The following NAV3 variants were observed in gnomAD, a reference collection of about 807,000 sequenced individuals.
The protein encoded by NAV3 is pore membrane and/or filament interacting like protein 1.
In NAV3, 87 loss-of-function variants were observed where a neutral mutation model predicts 244.7. The ratio of observed to expected loss-of-function variants is 0.36; its 90% confidence interval spans 0.30 to 0.42. NAV3 has a LOEUF of 0.42. Among genes scored for constraint, NAV3 ranks in the 20% least tolerant of loss-of-function variants. The probability of loss-of-function intolerance (pLI) is 1.00; values close to 1 mark genes in which losing one functional copy is unlikely to be tolerated. For missense variants in NAV3, 2,663 were observed against 2,893.3 expected, an observed-to-expected ratio of 0.92 and a Z score of 1.83; for synonymous variants, 1,126 against 1,042.2, an observed-to-expected ratio of 1.08 and a Z score of -1.55.
At position 78,051,120 on chromosome 12, in the gene NAV3, G is replaced by T; in HGVS notation, c.2489G>T (p.Ser830Ile). The change falls in exon 11 of 40, where the codon AGT becomes ATT. Residue 830 changes from serine to isoleucine, a missense_variant. Physicochemically the swap from Ser to Ile is moderately radical, Grantham distance 142. Transcript: ENST00000397909. ...AGTGATGGTGATATCCTTGGGAAAA[G>T]TCTCAGGACTGATGACATCAACAGT... ...YMSDGDILGKSLRTDDINSGY... is the reference protein window; with the variant it reads ...YMSDGDILGKILRTDDINSGY... 6.2e-7 allele frequency: 1 copy of T among 1,611,586 alleles called. No individual in the cohort carries two copies. The highest frequency in any genetic ancestry group is 8.5e-7 in the Non-Finnish European group (1 of 1,177,950).
At position 77,941,117 on chromosome 12, in the gene NAV3, G is replaced by C. The variant is rs1311218885; in HGVS notation, c.398G>C (p.Arg133Thr). ...EKVEDINGCP[R>T]SQSQMIENVD... ...GTTGAAGATATCAATGGATGTCCTA[G>C]AAGTCAGTCTCAGATGGTAAGAATC... The change falls in exon 3 of 40, where the codon AGA becomes ACA. Residue 133 changes from arginine to threonine, a missense_variant. This residue lies in a region of NAV3 where 1,521 missense variants were observed against 1,497.0 expected (regional missense o/e 1.02). Coordinates refer to ENST00000397909, the MANE Select transcript of NAV3 (RefSeq NM_001024383.2). 6.3e-7 allele frequency: 1 copy of C among 1,577,500 alleles called. No individual in the cohort carries two copies. The highest frequency in any genetic ancestry group is 2.3e-5 in the East Asian group (1 of 44,320).
At chr12:77,844,984 C>T (rs937918106) in intron 1 of NAV3, among the ~76,000 whole-genome samples, 2 of 152,102 alleles carry the variant, frequency 1.3e-5, no homozygotes, top group South Asian at 2.1e-4. Context: ...ATCATAATAA[C>T]GTTAAGACAT....
At position 77,831,434 on chromosome 12, in the gene NAV3, G is replaced by T. The variant is rs2136073189; in HGVS notation, c.-28G>T. 1 of 1,559,718 alleles carries T rather than the reference G, an allele frequency of 6.4e-7. No individual in the cohort carries two copies. Among genetic ancestry groups the T allele is most frequent in the Non-Finnish European group, 8.6e-7 (1 of 1,156,504 alleles). On this transcript the variant is annotated 5_prime_UTR_variant, in exon 1 of 40. Coordinates refer to ENST00000397909, the MANE Select transcript of NAV3 (RefSeq NM_001024383.2). ...ACTGAGGTTAGAAGCATTTTCTTTG[G>T]CAGCAAGAAGATAATTTTATAGAAG...
intron 22 of NAV3, among the ~76,000 whole-genome samples, chr12:78,157,005 AG>A (rs1489580497): frequency 6.6e-6 from 1 of 152,198 alleles, no homozygotes; most frequent in Non-Finnish European, 1.5e-5. Context: ...AGTGCTTTAA[AG>A]TGTAAGCTTG....
At chr12:77,738,894 C>G (rs1358181915) in intron 2 of NAV3, among the ~76,000 whole-genome samples, 1 of 151,956 alleles carries the variant, frequency 6.6e-6, no homozygotes, top group Non-Finnish European at 1.5e-5. Context: ...CGCCTGTAGT[C>G]CCAGCTACTC....
At chr12:78,185,772 A>G (rs1363858438) in intron 31 of NAV3, 74 bp downstream of exon 31, 10 of 1,254,216 alleles carry the variant, frequency 8.0e-6, no homozygotes, top group Admixed American at 1.9e-5. Context: ...TTATGTGTGA[A>G]TATTTGATCT....
At chr12:78,202,691 A>G (rs1249280535) in intron 38 of NAV3, among the ~76,000 whole-genome samples, 1 of 152,078 alleles carries the variant, frequency 6.6e-6, no homozygotes, top group Non-Finnish European at 1.5e-5. Flanking sequence ...TGAAAGATGA[A>G]TCAACCGTGA....
chr12:77,683,882 T>C (rs954369117), intron 2 of NAV3, among the ~76,000 whole-genome samples: 3 of 152,206 alleles, frequency 2.0e-5, no homozygotes, highest in African/African-American at 7.2e-5. Context: ...TAGATTATTA[T>C]GAATAAAGTT....
chr12:77,785,995 T>G (rs1870887526), intron 2 of NAV3, among the ~76,000 whole-genome samples: 1 of 152,180 alleles, frequency 6.6e-6, no homozygotes, highest in Admixed American at 6.5e-5. Flanking sequence ...GTGATCTTAT[T>G]TGATGAGTGT....
At chr12:77,928,624 T>C (rs1888472692) in intron 1 of NAV3, among the ~76,000 whole-genome samples, 1 of 152,206 alleles carries the variant, frequency 6.6e-6, no homozygotes, top group Non-Finnish European at 1.5e-5. Flanking sequence ...GTTTGTGTTA[T>C]GGCCTCAGCT....
intron 12 of NAV3, among the ~76,000 whole-genome samples, chr12:78,068,252 A>AT (rs1254401733): frequency 6.6e-6 from 1 of 151,974 alleles, no homozygotes; most frequent in African/African-American, 2.4e-5. Context: ...ATAAATAATA[A>AT]TTGCAGAATT....
chr12:77,636,101 C>G (rs917109770), intron 2 of NAV3, among the ~76,000 whole-genome samples: 1 of 152,132 alleles, frequency 6.6e-6, no homozygotes, highest in Non-Finnish European at 1.5e-5. Context: ...CATCACTGGT[C>G]ATTAGAGAAA....
At chr12:77,619,738 A>G (rs1389733581) in intron 2 of NAV3, among the ~76,000 whole-genome samples, 2 of 152,144 alleles carry the variant, frequency 1.3e-5, no homozygotes, top group Non-Finnish European at 2.9e-5. Flanking sequence ...CTTTCTGTAA[A>G]TCACCATTTA....
intron 7 of NAV3, among the ~76,000 whole-genome samples, chr12:78,002,950 T>A (rs546301716): frequency 6.6e-6 from 1 of 151,714 alleles, no homozygotes; most frequent in Non-Finnish European, 1.5e-5. Context: ...GTCCACAAAG[T>A]ATATATGCCT....
At chr12:77,956,070 A>G (rs17044601) in intron 3 of NAV3, among the ~76,000 whole-genome samples, 1,713 of 152,274 alleles carry the variant, frequency 0.011, 24 homozygotes, top group South Asian at 0.041. Flanking sequence ...CAAGCATCCT[A>G]CAAATTTTAA....
intron 2 of NAV3, among the ~76,000 whole-genome samples, chr12:77,673,609 T>C (rs1310126361): frequency 6.6e-6 from 1 of 152,100 alleles, no homozygotes; most frequent in Admixed American, 6.5e-5. Context: ...GACATCAAGT[T>C]CATTTGAAAG....
rs180786556 is a variant in NAV3, at chr12:78,033,141, G to A, written c.2023+11279G>A. On this transcript the variant is annotated intron_variant, in intron 9 of 39. Coordinates refer to ENST00000397909, the MANE Select transcript of NAV3 (RefSeq NM_001024383.2). Reference sequence around the variant, plus strand: ...ATTTAGGTTAACCAGAAGGATAAGCGAATGGTTACATGTGCTTTTACTGAC... The same window carrying A: ...ATTTAGGTTAACCAGAAGGATAAGCAAATGGTTACATGTGCTTTTACTGAC... Among the ~76,000 whole-genome samples the A allele has an allele frequency of 3.6e-4, 54 of 152,112 alleles. 1 individual carries two copies. Among genetic ancestry groups the A allele is most frequent in the Non-Finnish European group, 3.1e-4 (21 of 67,998 alleles).
chr12:78,066,954 G>C (rs1885085921), intron 12 of NAV3, among the ~76,000 whole-genome samples: 1 of 152,080 alleles, frequency 6.6e-6, no homozygotes, highest in Non-Finnish European at 1.5e-5. Flanking sequence ...GCAATGTGCA[G>C]AAAATTACAT....
At chr12:77,718,649 A>T (rs980092698) in intron 2 of NAV3, among the ~76,000 whole-genome samples, 14 of 146,216 alleles carry the variant, frequency 9.6e-5, no homozygotes, top group African/African-American at 3.9e-4. Flanking sequence ...CAATTCATGT[A>T]TATAGGATGT....
Sources: gnomAD v4.1 joint callset for allele counts (sites outside exome capture counted in the v4.1 genomes callset) on GRCh38, gnomAD v4.1.1 for gene constraint, gnomAD v4.1.1 regional missense constraint, MANE v1.5 for transcripts, NCBI Gene and HGNC (gene_info 2026-07-23, HGNC 2026-07-21) for gene names.